Variants in SNTG1 observed in about 807,000 individuals in gnomAD.
SNTG1 encodes syntrophin gamma 1.
In SNTG1, 39 loss-of-function variants were observed where a neutral mutation model predicts 74.7. The observed-to-expected ratio is 0.52, with a 90% confidence interval of 0.40 to 0.68. The LOEUF is 0.68. Among genes scored for constraint, SNTG1 ranks in the 30% least tolerant of loss-of-function variants. SNTG1 has a pLI of 0.00. For synonymous variants in SNTG1, 254 were observed against 217.1 expected, an observed-to-expected ratio of 1.17 and a Z score of -1.49; for missense variants, 685 against 609.5, an observed-to-expected ratio of 1.12 and a Z score of -1.30.
intron 15 of SNTG1, among the ~76,000 whole-genome samples, chr8:50,677,267 A>G (rs1309867866): frequency 1.3e-5 from 2 of 152,148 alleles, no homozygotes; most frequent in East Asian, 3.9e-4. Flanking sequence ...CATCTATATT[A>G]GGAAAATCTA....
chr8:50,396,071 G>T (rs879759608), intron 3 of SNTG1, among the ~76,000 whole-genome samples: 1 of 152,186 alleles, frequency 6.6e-6, no homozygotes, highest in Non-Finnish European at 1.5e-5. Flanking sequence ...TTGTTTTGAT[G>T]TACTAATTTG....
intron 2 of SNTG1, among the ~76,000 whole-genome samples, chr8:50,269,862 C>T (rs1014048369): frequency 2.0e-5 from 3 of 152,094 alleles, no homozygotes. Context: ...TACACATTTA[C>T]TCTATGAGCT....
At chr8:50,146,384 G>A (rs2081866451) in intron 1 of SNTG1, among the ~76,000 whole-genome samples, 1 of 152,156 alleles carries the variant, frequency 6.6e-6, no homozygotes, top group Non-Finnish European at 1.5e-5. Flanking sequence ...CAGGCGTGGT[G>A]GCGCATGCCT....
At chr8:50,306,865 G>A (rs1488173510) in intron 2 of SNTG1, among the ~76,000 whole-genome samples, 2 of 151,524 alleles carry the variant, frequency 1.3e-5, no homozygotes, top group Non-Finnish European at 2.9e-5. Context: ...TATTTCTTTT[G>A]CCATGCGGAA....
At chr8:50,687,610 G>A (rs549824947) in intron 15 of SNTG1, among the ~76,000 whole-genome samples, 5 of 152,328 alleles carry the variant, frequency 3.3e-5, no homozygotes, top group African/African-American at 1.2e-4. Context: ...TAGGGTACAT[G>A]TGCACAACGT....
intron 2 of SNTG1, among the ~76,000 whole-genome samples, chr8:50,242,028 T>C (rs771721110): frequency 6.6e-6 from 1 of 151,924 alleles, no homozygotes; most frequent in Non-Finnish European, 1.5e-5. Context: ...TTCCTCTCGA[T>C]GGATCACTAG....
At chr8:50,540,394 GAGGCTTGATTTTACTCAGCAT>G (rs2094337837) in intron 11 of SNTG1, among the ~76,000 whole-genome samples, 1 of 151,980 alleles carries the variant, frequency 6.6e-6, no homozygotes, top group Non-Finnish European at 1.5e-5. Context: ...GATATTTGTT[GAGGCTTGATTTTACTCAGCAT>G]ATACGTTATT....
Position 50,209,422 on chromosome 8 carries a change from C to G in SNTG1, c.-28+36787C>G, listed in dbSNP as rs1586700460. ...GATCTGAGAATGGACAGACTGCCTC[C>G]TCAAGTGGGTCCCTGACCTCTGAGT... On this transcript the variant is annotated intron_variant, in intron 2 of 18. Coordinates refer to ENST00000642720, the MANE Select transcript of SNTG1 (RefSeq NM_018967.5). Among the ~76,000 whole-genome samples the G allele has an allele frequency of 2.0e-5, 3 of 152,190 alleles. No homozygotes were observed. The South Asian group carries it at 6.2e-4, about 31-fold the overall frequency.
intron 1 of SNTG1, among the ~76,000 whole-genome samples, chr8:50,013,772 T>C (rs1378897028): frequency 2.6e-5 from 4 of 152,250 alleles, no homozygotes; most frequent in South Asian, 4.1e-4. Context: ...TTTAACATTT[T>C]TCCTGGGGGA....
At position 50,535,999 on chromosome 8, in the gene SNTG1, AT is replaced by A. The variant is rs528328427; in HGVS notation, c.550-675del. On this transcript the variant is annotated intron_variant, in intron 10 of 18. Coordinates refer to ENST00000642720, the MANE Select transcript of SNTG1 (RefSeq NM_018967.5). ...ACATGAATCAAGTGAAAAAGCCCAA[AT>A]TTTATCAAATATTAGTCTCCTCTAT... Among the ~76,000 whole-genome samples, 29 of 152,296 alleles carry A rather than the reference AT, an allele frequency of 1.9e-4. No individual in the cohort carries two copies. In the East Asian group the frequency reaches 5.0e-3, roughly 26 times the overall value.
chr8:50,328,909 C>T (rs565313422), intron 2 of SNTG1, among the ~76,000 whole-genome samples: 25 of 152,316 alleles, frequency 1.6e-4, no homozygotes, highest in African/African-American at 6.0e-4. Flanking sequence ...TACCTGTGAA[C>T]CTGTAAAGTC....
At chr8:50,567,374 A>C (rs949128666) in intron 12 of SNTG1, among the ~76,000 whole-genome samples, 1 of 152,128 alleles carries the variant, frequency 6.6e-6, no homozygotes, top group Non-Finnish European at 1.5e-5. Context: ...GGTTACTTAC[A>C]GATGTAAAGG....
At chr8:50,235,370 C>T (rs769043891) in intron 2 of SNTG1, among the ~76,000 whole-genome samples, 8 of 152,168 alleles carry the variant, frequency 5.3e-5, no homozygotes, top group Non-Finnish European at 8.8e-5. Flanking sequence ...CAAGATTTCA[C>T]TCTTGTGGGA....
At chr8:50,576,072 T>G (rs1264691339) in intron 12 of SNTG1, among the ~76,000 whole-genome samples, 1 of 152,194 alleles carries the variant, frequency 6.6e-6, no homozygotes, top group African/African-American at 2.4e-5. Flanking sequence ...TCTCTCTGCT[T>G]TTCTTCCAGG....
chr8:50,212,501 T>G (rs1396382566), intron 2 of SNTG1, among the ~76,000 whole-genome samples: 1 of 152,148 alleles, frequency 6.6e-6, no homozygotes, highest in African/African-American at 2.4e-5. Context: ...TAATGTGTGA[T>G]GTATACAGAA....
At chr8:50,063,453 G>A (rs1820644323) in intron 1 of SNTG1, among the ~76,000 whole-genome samples, 1 of 152,180 alleles carries the variant, frequency 6.6e-6, no homozygotes, top group Non-Finnish European at 1.5e-5. Flanking sequence ...AGTGTTAAAT[G>A]TCATCAGGCC....
intron 17 of SNTG1, among the ~76,000 whole-genome samples, chr8:50,728,052 C>T (rs1191069059): frequency 1.3e-5 from 2 of 152,108 alleles, no homozygotes; most frequent in African/African-American, 4.8e-5. Flanking sequence ...TCACATTCCC[C>T]ATTTGAGCAG....
intron 2 of SNTG1, among the ~76,000 whole-genome samples, chr8:50,252,668 G>C (rs990617080): frequency 6.6e-6 from 1 of 152,142 alleles, no homozygotes; most frequent in Non-Finnish European, 1.5e-5. Flanking sequence ...ACAAGAGAGA[G>C]GGAGTGGGGA....
chr8:50,075,795 C>T (rs900735241), intron 1 of SNTG1, among the ~76,000 whole-genome samples: 3 of 152,054 alleles, frequency 2.0e-5, no homozygotes, highest in Non-Finnish European at 2.9e-5. Context: ...CCAGACGCGC[C>T]GCCTTAAGAG....
Sources: allele counts gnomAD v4.1 joint callset (sites outside exome capture counted in the v4.1 genomes callset), GRCh38; gene constraint gnomAD v4.1.1; transcripts MANE v1.5; gene names NCBI Gene and HGNC (gene_info 2026-07-23, HGNC 2026-07-21).